Variants in COLEC12 observed in about 807,000 individuals in gnomAD.
COLEC12 encodes the protein collectin subfamily member 12.
Under a neutral mutation model 71.1 loss-of-function variants are expected in COLEC12, and 33 were observed. The ratio of observed to expected loss-of-function variants is 0.46; its 90% confidence interval spans 0.35 to 0.62. The LOEUF (loss-of-function observed/expected upper bound fraction) is 0.62. Ranked by LOEUF, COLEC12 falls within the 20% of genes least tolerant of loss-of-function variation. The pLI is 0.00. For synonymous variants in COLEC12, 350 were observed against 353.0 expected, an observed-to-expected ratio of 0.99 and a Z score of 0.10; for missense variants, 765 against 916.1, an observed-to-expected ratio of 0.84 and a Z score of 2.13.
At chr18:341,243 C>T (rs1914245999) in intron 5 of COLEC12, among the ~76,000 whole-genome samples, 1 of 152,182 alleles carries the variant, frequency 6.6e-6, no homozygotes, top group African/African-American at 2.4e-5. Flanking sequence ...CTAGACAGAC[C>T]TGAGTTTGGC....
intron 2 of COLEC12, among the ~76,000 whole-genome samples, chr18:432,551 G>C (rs1484350336): frequency 6.6e-6 from 1 of 152,120 alleles, no homozygotes; most frequent in Non-Finnish European, 1.5e-5. Flanking sequence ...AAAAATTTGG[G>C]TGTATCATGA....
intron 2 of COLEC12, among the ~76,000 whole-genome samples, chr18:434,248 T>C (rs1320711341): frequency 6.6e-6 from 1 of 152,186 alleles, no homozygotes; most frequent in Admixed American, 6.5e-5. Context: ...ATACTTACAA[T>C]AAAATACAGT....
At chr18:498,046 G>T (rs140604833) in intron 1 of COLEC12, among the ~76,000 whole-genome samples, 1 of 152,050 alleles carries the variant, frequency 6.6e-6, no homozygotes, top group South Asian at 2.1e-4. Context: ...GTGTCTTAGG[G>T]CCTTCCAAGC....
intron 2 of COLEC12, among the ~76,000 whole-genome samples, chr18:406,122 T>C (rs1291509134): frequency 6.6e-6 from 1 of 152,098 alleles, no homozygotes; most frequent in Non-Finnish European, 1.5e-5. Context: ...ACAGATGCCA[T>C]GGCAACATCA....
rs496226 is a variant in COLEC12, at chr18:320,398, C to G, written c.2210-334G>C. On this transcript the variant is annotated intron_variant, in intron 9 of 9. Transcript: ENST00000400256. ...TTGTTTAGATATCTGTGTTTTTCCCCCTCAACTGACCCAGCTGTGAGTTCC... is the reference window on the plus strand; with the variant it reads ...TTGTTTAGATATCTGTGTTTTTCCCGCTCAACTGACCCAGCTGTGAGTTCC... Among the ~76,000 whole-genome samples, 1,423 of 152,262 alleles carry G rather than the reference C, an allele frequency of 9.3e-3. 8 individuals carry two copies. Among genetic ancestry groups the G allele is most frequent in the Middle Eastern group, 0.021 (6 of 292 alleles).
chr18:338,059 G>C (rs923327658), intron 5 of COLEC12, among the ~76,000 whole-genome samples: 7 of 152,164 alleles, frequency 4.6e-5, no homozygotes, highest in Non-Finnish European at 7.3e-5. Context: ...AGCCCCACCT[G>C]ATCAGTCTGG....
At chr18:404,703 C>T (rs1440582467) in intron 2 of COLEC12, among the ~76,000 whole-genome samples, 1 of 152,150 alleles carries the variant, frequency 6.6e-6, no homozygotes, top group Non-Finnish European at 1.5e-5. Flanking sequence ...CTGTTATCTT[C>T]ATAAGCTGAG....
chr18:496,283 G>A (rs1449433946), intron 1 of COLEC12, among the ~76,000 whole-genome samples: 1 of 152,138 alleles, frequency 6.6e-6, no homozygotes, highest in Non-Finnish European at 1.5e-5. Flanking sequence ...GCAAAGGGTT[G>A]GAGCCATTGG....
At chr18:356,327 T>G (rs1914627866) in intron 3 of COLEC12, among the ~76,000 whole-genome samples, 1 of 152,252 alleles carries the variant, frequency 6.6e-6, no homozygotes, top group Non-Finnish European at 1.5e-5. Context: ...TATGGAGCCA[T>G]GCAGAAGACA....
intron 2 of COLEC12, among the ~76,000 whole-genome samples, chr18:437,021 A>G (rs538621895): frequency 6.6e-6 from 1 of 152,346 alleles, no homozygotes; most frequent in South Asian, 2.1e-4. Context: ...CCAAGGTGAG[A>G]AGCAATTCTC....
At chr18:473,659 G>A (rs559994320) in intron 2 of COLEC12, among the ~76,000 whole-genome samples, 143 of 152,288 alleles carry the variant, frequency 9.4e-4, no homozygotes, top group South Asian at 5.4e-3. Flanking sequence ...CACAGCGCCC[G>A]GCCTCAACTC....
chr18:437,334 C>T (rs893554515), intron 2 of COLEC12, among the ~76,000 whole-genome samples: 6 of 152,190 alleles, frequency 3.9e-5, no homozygotes, highest in African/African-American at 1.4e-4. Context: ...CACAGATGAC[C>T]CAAGTTAAAT....
At chr18:351,383 T>A (rs1914518078) in intron 3 of COLEC12, among the ~76,000 whole-genome samples, 1 of 152,118 alleles carries the variant, frequency 6.6e-6, no homozygotes, top group African/African-American at 2.4e-5. Flanking sequence ...AGGTGCACCT[T>A]GCAGAATTCC....
At chr18:444,932 G>T (rs1012735533) in intron 2 of COLEC12, among the ~76,000 whole-genome samples, 6 of 152,008 alleles carry the variant, frequency 3.9e-5, no homozygotes, top group Non-Finnish European at 8.8e-5. Flanking sequence ...TACATGCTTG[G>T]TTTTTTACGT....
chr18:441,084 T>C (rs1234433523), intron 2 of COLEC12, among the ~76,000 whole-genome samples: 2 of 47,052 alleles, frequency 4.3e-5, no homozygotes, highest in Non-Finnish European at 5.3e-5. Context: ...CTGTCTCTAC[T>C]AAAAATACAA....
intron 2 of COLEC12, among the ~76,000 whole-genome samples, chr18:426,770 A>C (rs1249712074): frequency 5.9e-5 from 9 of 152,120 alleles, no homozygotes; most frequent in Non-Finnish European, 1.3e-4. Flanking sequence ...ACGTGCATTT[A>C]TTTCTTTCAA....
At chr18:448,137 A>G (rs1916688701) in intron 2 of COLEC12, among the ~76,000 whole-genome samples, 1 of 152,238 alleles carries the variant, frequency 6.6e-6, no homozygotes, top group South Asian at 2.1e-4. Context: ...GCCTGTCTGT[A>G]TCAGTGCCTT....
intron 2 of COLEC12, among the ~76,000 whole-genome samples, chr18:405,369 T>C (rs550934478): frequency 7.0e-4 from 106 of 152,294 alleles, no homozygotes; most frequent in Non-Finnish European, 8.5e-4. Context: ...GTGTGATCTT[T>C]GTACCTACTC....
intron 1 of COLEC12, among the ~76,000 whole-genome samples, chr18:483,330 G>T (rs1391847174): frequency 3.3e-5 from 5 of 151,012 alleles, no homozygotes; most frequent in Non-Finnish European, 7.4e-5. Context: ...CCAGGAGGTG[G>T]AGTTTGCAGT....
Sources: gnomAD v4.1 joint callset for allele counts (sites outside exome capture counted in the v4.1 genomes callset) on GRCh38, gnomAD v4.1.1 for gene constraint, MANE v1.5 for transcripts, NCBI Gene and HGNC (gene_info 2026-07-23, HGNC 2026-07-21) for gene names.